VPS8: variants seen among roughly 807,000 people sequenced by gnomAD.
VPS8 encodes the protein VPS8 subunit of CORVET complex.
In VPS8, 129 loss-of-function variants were observed where a neutral mutation model predicts 216.4. The observed-to-expected ratio is 0.60, with a 90% CI of 0.52 to 0.69. The LOEUF is 0.69. VPS8 is among the 30% of genes least tolerant of loss of function. VPS8 has a pLI of 0.00. For missense variants in VPS8, 1,531 were observed against 1,683.5 expected (o/e 0.91, Z 1.59); for synonymous variants, 571 against 565.4 (o/e 1.01, Z -0.14).
chr3:185,042,610 C>A (rs529043181), intron 46 of VPS8, among the ~76,000 whole-genome samples: 1 of 152,072 alleles, frequency 6.6e-6, no homozygotes, highest in African/African-American at 2.4e-5. Flanking sequence ...TGGCAGCATC[C>A]GGCAGTGATT....
intron 14 of VPS8, among the ~76,000 whole-genome samples, chr3:184,858,063 T>G (rs2108702144): frequency 6.6e-6 from 1 of 152,340 alleles, no homozygotes; most frequent in African/African-American, 2.4e-5. Flanking sequence ...GAAAGACATC[T>G]ATGATACTAC....
intron 40 of VPS8, among the ~76,000 whole-genome samples, chr3:184,980,146 C>T (rs2109731994): frequency 6.6e-6 from 1 of 152,178 alleles, no homozygotes; most frequent in Non-Finnish European, 1.5e-5. Context: ...TGTGTGGTTT[C>T]TGCAGAAAAG....
chr3:185,049,836 G>A (rs919287202), intron 47 of VPS8, among the ~76,000 whole-genome samples: 2 of 152,094 alleles, frequency 1.3e-5, no homozygotes, highest in Non-Finnish European at 2.9e-5. Flanking sequence ...CTTGGCAGCC[G>A]GAGGAAAGAG....
At chr3:185,008,534 T>C (rs1201652337) in intron 45 of VPS8, among the ~76,000 whole-genome samples, 3 of 152,116 alleles carry the variant, frequency 2.0e-5, no homozygotes, top group African/African-American at 4.8e-5. Context: ...AGGGAAAGAA[T>C]AGAATAGTAT....
intron 37 of VPS8, 128 bp downstream of exon 37, chr3:184,957,649 C>T (rs1745837485): frequency 8.5e-7 from 1 of 1,176,394 alleles, no homozygotes; most frequent in South Asian, 1.8e-5. Flanking sequence ...TTAGTTGAGA[C>T]ATACTCCTGA....
chr3:184,933,754 C>A (rs1741121288), intron 34 of VPS8, among the ~76,000 whole-genome samples: 1 of 152,188 alleles, frequency 6.6e-6, no homozygotes, highest in Non-Finnish European at 1.5e-5. Context: ...TGTTGCTCAG[C>A]AATGCTACCT....
In VPS8 at chr3:184,954,943, G is replaced by A. The variant is rs143356560; in HGVS notation, c.3036-2431G>A. ...TACTAATATAACCTAGGAATAACCG[G>A]TGGGTATAGGGTCAGGTGTTGACGG... On this transcript the variant is annotated intron_variant, in intron 36 of 47. Coordinates refer to ENST00000625842, the MANE Select transcript of VPS8 (RefSeq NM_001009921.3). Among the ~76,000 whole-genome samples the A allele has an allele frequency of 3.8e-3, 585 of 152,260 alleles. 6 individuals are homozygous for A. The highest frequency in any genetic ancestry group is 0.013 in the African/African-American group (529 of 41,540).
At chr3:184,909,487 A>G (rs1262150249) in intron 25 of VPS8, among the ~76,000 whole-genome samples, 3 of 151,910 alleles carry the variant, frequency 2.0e-5, no homozygotes, top group East Asian at 1.9e-4. Context: ...GATGATTTCT[A>G]TTGCTCTTCC....
intron 45 of VPS8, among the ~76,000 whole-genome samples, chr3:185,003,851 C>T (rs1458227193): frequency 4.8e-4 from 73 of 151,642 alleles, no homozygotes; most frequent in African/African-American, 1.3e-3. Context: ...ACGGGGCGGC[C>T]GGGCAGAGAC....
intron 46 of VPS8, among the ~76,000 whole-genome samples, chr3:185,043,047 C>G (rs1712038944): frequency 6.6e-6 from 1 of 152,126 alleles, no homozygotes; most frequent in Non-Finnish European, 1.5e-5. Flanking sequence ...ATGATGGCAC[C>G]ACACAGGATC....
rs893461416 is a variant in VPS8, at chr3:185,048,546, G to A, written c.4124G>A (p.Arg1375Gln). 9.9e-6 allele frequency: 16 copies of A among 1,613,860 alleles called. No individual in the cohort carries two copies. Among genetic ancestry groups the A allele is most frequent in the African/African-American group, 2.7e-5 (2 of 75,024 alleles). Residue 1375 changes from arginine (R) to glutamine (Q), a missense_variant, in exon 47 of 48, where the codon CGA becomes CAA. Physicochemically the swap from Arg to Gln is conservative, Grantham distance 43. Transcript: ENST00000625842. The stretch of plus-strand genomic sequence containing the variant: ...TTTGATCAGCTTTGCCGTCTCTACC[G>A]AGGAAGCTCCAGGGTAATGTTTGCG... ...QAFDQLCRLYRGSSRLALLTE... is the reference protein window; with the variant it reads ...QAFDQLCRLYQGSSRLALLTE...
At chr3:185,041,714 C>T (rs947440070) in intron 46 of VPS8, among the ~76,000 whole-genome samples, 2 of 152,162 alleles carry the variant, frequency 1.3e-5, no homozygotes, top group African/African-American at 2.4e-5. Context: ...AATTATCACC[C>T]GTTTGTAAAG....
Position 184,868,265 on chromosome 3 carries a change from C to T in VPS8, c.1506+206C>T, listed in dbSNP as rs563085926. On this transcript the variant is annotated intron_variant, in intron 18 of 47. Coordinates refer to ENST00000625842, the MANE Select transcript of VPS8 (RefSeq NM_001009921.3). ...GTTTGTCTACATATATTAGAAAATT[C>T]AAAATAATAGTGGCTTAAATAAGAT... The T allele has an allele frequency of 1.2e-3, 612 of 517,444 alleles. 7 individuals are homozygous for T. Among genetic ancestry groups the T allele is most frequent in the Middle Eastern group, 4.6e-3 (9 of 1,938 alleles). The allele number at this position is 517,444 out of a possible 1,614,324, so 32.1% of individuals were successfully genotyped here. A position where few individuals can be genotyped will look rare whatever the true frequency, so the allele number is the denominator to read the frequency against.
intron 22 of VPS8, among the ~76,000 whole-genome samples, chr3:184,887,421 CA>C (rs1443465881): frequency 1.3e-5 from 2 of 150,566 alleles, no homozygotes; most frequent in Non-Finnish European, 3.0e-5. Context: ...TTTTTTTTTC[CA>C]CACTAATAAT....
intron 47 of VPS8, among the ~76,000 whole-genome samples, chr3:185,050,846 CT>C (rs1714071840): frequency 6.6e-6 from 1 of 152,158 alleles, no homozygotes; most frequent in Non-Finnish European, 1.5e-5. Context: ...CCATGTGAGC[CT>C]ACACAGGGTC....
chr3:184,979,535 C>A (rs1046966541), intron 40 of VPS8, among the ~76,000 whole-genome samples: 1 of 152,138 alleles, frequency 6.6e-6, no homozygotes, highest in African/African-American at 2.4e-5. Context: ...TGAATTGAGC[C>A]CTTTATCATT....
At chr3:184,990,571 A>C (rs1025647674) in intron 42 of VPS8, among the ~76,000 whole-genome samples, 1 of 152,206 alleles carries the variant, frequency 6.6e-6, no homozygotes, top group African/African-American at 2.4e-5. Context: ...GGATGTAGCA[A>C]TACCTCATGT....
chr3:185,040,816 T>C (rs1358938830), intron 46 of VPS8, among the ~76,000 whole-genome samples: 1 of 152,198 alleles, frequency 6.6e-6, no homozygotes, highest in Non-Finnish European at 1.5e-5. Context: ...TTGCTTATAT[T>C]GTTTCAGTTT....
chr3:185,045,228 G>A (rs1287480143), intron 46 of VPS8, among the ~76,000 whole-genome samples: 3 of 47,400 alleles, frequency 6.3e-5, no homozygotes, highest in Non-Finnish European at 1.2e-4. Flanking sequence ...CTTCTCATGT[G>A]TTAGTGTAGA....
Sources: allele counts gnomAD v4.1 joint callset (sites outside exome capture counted in the v4.1 genomes callset), GRCh38; gene constraint gnomAD v4.1.1; transcripts MANE v1.5; gene names NCBI Gene and HGNC (gene_info 2026-07-23, HGNC 2026-07-21).